Variants in USO1 observed in about 807,000 individuals in gnomAD.
USO1 encodes USO1 vesicle transport factor, also known as general vesicular transport factor p115.
In USO1, 57 loss-of-function variants were observed where a neutral mutation model predicts 124.5. The ratio of observed to expected loss-of-function variants is 0.46; its 90% CI spans 0.37 to 0.57. The LOEUF (loss-of-function observed/expected upper bound fraction) is 0.57, where lower values mean the gene tolerates loss of function less well. USO1 is among the 20% of genes least tolerant of loss of function. USO1 has a pLI of 0.00. For missense variants in USO1, 900 were observed against 1,040.6 expected (o/e 0.86, Z 1.86); for synonymous variants, 369 against 362.8 (o/e 1.02, Z -0.19).
chr4:75,775,668 A>G (rs951477600), intron 8 of USO1, among the ~76,000 whole-genome samples: 6 of 152,042 alleles, frequency 3.9e-5, no homozygotes, highest in East Asian at 3.8e-4. Flanking sequence ...GCAAATATAG[A>G]AAAAAAACTC....
chr4:75,804,288 C>T lies in USO1; in HGVS notation c.2125+16C>T. ...ATACAGCTAGGTAAGCATAGCTAAG[C>T]CATCACTATGATAGCACTCAGGTCA... On this transcript the variant is annotated intron_variant, in intron 18 of 23. Coordinates refer to ENST00000514213, the MANE Select transcript of USO1 (RefSeq NM_003715.4). The T allele has an allele frequency of 1.9e-6, 3 of 1,606,456 alleles. No homozygotes were observed. The highest frequency in any genetic ancestry group is 2.5e-6 in the Non-Finnish European group (3 of 1,176,492).
chr4:75,730,040 CTG>C, intron 1 of USO1: 2 of 280,402 alleles, frequency 7.1e-6, no homozygotes, highest in Non-Finnish European at 1.4e-5. Flanking sequence ...AATGTCATAA[CTG>C]GAATGTGTTT....
At chr4:75,756,125 G>A (rs1021850306) in intron 3 of USO1, among the ~76,000 whole-genome samples, 9 of 148,698 alleles carry the variant, frequency 6.1e-5, no homozygotes, top group East Asian at 6.0e-4. Context: ...AGTCAAGATC[G>A]CGCCACTGCA....
chr4:75,790,495 G>C (rs1166471102), intron 11 of USO1, 148 bp from the exon 12 acceptor site: 1 of 1,303,420 alleles, frequency 7.7e-7, no homozygotes, highest in Non-Finnish European at 1.0e-6. Context: ...ACTTCTGTCA[G>C]TTACAGTTTT....
In USO1 at chr4:75,780,335, C is replaced by T. The variant is rs147170705; in HGVS notation, c.677-2345C>T. Reference sequence around the variant, plus strand: ...GGGCTGGTGTGTAGTGGTGTGATCTCGGCTCACTGCCACCTCTGCCTCCTA... The same window carrying T: ...GGGCTGGTGTGTAGTGGTGTGATCTTGGCTCACTGCCACCTCTGCCTCCTA... On this transcript the variant is annotated intron_variant, in intron 8 of 23. Transcript: ENST00000514213. Among the ~76,000 whole-genome samples the T allele has an allele frequency of 1.2e-3, 189 of 151,486 alleles. 4 individuals carry two copies. The East Asian group carries it at 0.033, about 27-fold the overall frequency.
chr4:75,729,798 T>C (rs1177178348), intron 1 of USO1: 1 of 183,906 alleles, frequency 5.4e-6, no homozygotes, highest in Non-Finnish European at 1.2e-5. Flanking sequence ...ATTAGAACAT[T>C]GTTATGGGGT....
At position 75,800,876 on chromosome 4, in the gene USO1, A is replaced by G. The variant is rs1006493415; in HGVS notation, c.1864+77A>G. The G allele has an allele frequency of 4.0e-5, 61 of 1,524,140 alleles. 1 individual carries two copies. In the African/African-American group the frequency reaches 7.8e-4, roughly 19 times the overall value. 94.4% of individuals were successfully genotyped at this position (1,524,140 alleles called of 1,614,324 possible). ...TTGTACATGTATATTCTGGATGCAT[A>G]CAGGTTATATGGTAACTCTAAAGGT... On this transcript the variant is annotated intron_variant, in intron 16 of 23. Transcript: ENST00000514213.
Position 75,810,418 on chromosome 4 carries a change from A to G in USO1, c.2476-14A>G, listed in dbSNP as rs1723112172. The stretch of plus-strand genomic sequence containing the variant: ...TGTTTAAGAGACATCTTTTTTTCCA[A>G]TTTCTAATTTCAGGCAAAATCAGTT... On this transcript the variant is annotated splice_polypyrimidine_tract_variant and intron_variant, in intron 21 of 23. Coordinates refer to ENST00000514213, the MANE Select transcript of USO1 (RefSeq NM_003715.4). The G allele has an allele frequency of 6.3e-7, 1 of 1,591,794 alleles. No individual in the cohort carries two copies. Among genetic ancestry groups the G allele is most frequent in the African/African-American group, 1.4e-5 (1 of 73,788 alleles).
intron 1 of USO1, among the ~76,000 whole-genome samples, chr4:75,739,525 A>G (rs1449130401): frequency 8.6e-6 from 1 of 115,966 alleles, no homozygotes; most frequent in East Asian, 2.7e-4. Flanking sequence ...GCATTTTTGT[A>G]TTTTATCTTT....
intron 1 of USO1, among the ~76,000 whole-genome samples, chr4:75,744,580 C>T (rs1466207665): frequency 1.3e-5 from 2 of 152,112 alleles, no homozygotes; most frequent in Non-Finnish European, 2.9e-5. Context: ...CCATCACACC[C>T]AGCTCTTTTT....
chr4:75,773,838 C>G (rs1454606111), intron 7 of USO1, among the ~76,000 whole-genome samples: 1 of 152,120 alleles, frequency 6.6e-6, no homozygotes, highest in African/African-American at 2.4e-5. Context: ...GTACTGGTAG[C>G]CAACAGCTAG....
chr4:75,780,941 C>T (rs533564998), intron 8 of USO1, among the ~76,000 whole-genome samples: 1 of 152,196 alleles, frequency 6.6e-6, no homozygotes, highest in East Asian at 1.9e-4. Flanking sequence ...GTCACTGCAC[C>T]CAGCAATTTT....
At chr4:75,773,594 T>C (rs1046729414) in intron 7 of USO1, among the ~76,000 whole-genome samples, 8 of 152,192 alleles carry the variant, frequency 5.3e-5, no homozygotes, top group South Asian at 2.1e-4. Context: ...AACCAGTTTT[T>C]AAACCCACTT....
intron 8 of USO1, among the ~76,000 whole-genome samples, chr4:75,775,255 C>A (rs1348778536): frequency 1.3e-5 from 2 of 152,034 alleles, no homozygotes; most frequent in Admixed American, 1.3e-4. Flanking sequence ...GATACGAACC[C>A]CAGCTGGGCT....
At chr4:75,776,995 A>T (rs1395075651) in intron 8 of USO1, among the ~76,000 whole-genome samples, 1 of 152,192 alleles carries the variant, frequency 6.6e-6, no homozygotes, top group Non-Finnish European at 1.5e-5. Flanking sequence ...GTTTTTCATC[A>T]TCTTCCTTGC....
At chr4:75,748,748 A>G (rs981343214) in intron 1 of USO1, among the ~76,000 whole-genome samples, 2 of 152,110 alleles carry the variant, frequency 1.3e-5, no homozygotes, top group African/African-American at 4.8e-5. Context: ...GAAGCAGAAA[A>G]CGCCTGGAAA....
intron 8 of USO1, among the ~76,000 whole-genome samples, chr4:75,778,432 A>C (rs1186417517): frequency 1.3e-5 from 2 of 152,192 alleles, no homozygotes; most frequent in Non-Finnish European, 2.9e-5. Context: ...GCTGAGGAGC[A>C]AAAGGAAGGA....
intron 7 of USO1, among the ~76,000 whole-genome samples, chr4:75,772,132 T>C (rs1721949705): frequency 6.6e-6 from 1 of 152,248 alleles, no homozygotes; most frequent in Non-Finnish European, 1.5e-5. Flanking sequence ...TCTTAACTCC[T>C]AGTCTATGGA....
chr4:75,759,264 T>C (rs1250647595), intron 4 of USO1, among the ~76,000 whole-genome samples: 4 of 145,428 alleles, frequency 2.8e-5, no homozygotes, highest in African/African-American at 5.2e-5. Context: ...TTTTTTTTTT[T>C]CTGAAAATTT....
Sources: gnomAD v4.1 joint callset for allele counts (sites outside exome capture counted in the v4.1 genomes callset) on GRCh38, gnomAD v4.1.1 for gene constraint, MANE v1.5 for transcripts, NCBI Gene and HGNC (gene_info 2026-07-23, HGNC 2026-07-21) for gene names.